KCNK3: variants seen among roughly 807,000 people sequenced by gnomAD.
KCNK3 encodes potassium two pore domain channel subfamily K member 3, also known as potassium channel subfamily K member 3.
A neutral mutation model predicts 27.3 loss-of-function variants in KCNK3; 9 were observed. The observed-to-expected ratio is 0.33, with a 90% CI of 0.20 to 0.57. KCNK3 has a LOEUF of 0.57. Among genes scored for constraint, KCNK3 ranks in the 20% least tolerant of loss-of-function variants. KCNK3 has a pLI of 0.87. For missense variants in KCNK3, 391 were observed against 577.7 expected, an observed-to-expected ratio of 0.68 and a Z score of 3.31; for synonymous variants, 278 against 273.8, an observed-to-expected ratio of 1.02 and a Z score of -0.15.
chr2:26,728,932 T>C lies in KCNK3; in HGVS notation c.*364T>C, dbSNP rs565897962. ...CCTTCGGAGGGGACTTCATGTTCCG[T>C]GTACGTTTGCATCTCTATTTATACC... On this transcript the variant is annotated 3_prime_UTR_variant, in exon 2 of 2. Coordinates refer to ENST00000302909, the MANE Select transcript of KCNK3 (RefSeq NM_002246.3). 1.4e-5 allele frequency: 3 copies of C among 217,946 alleles called. No individual in the cohort carries two copies. The South Asian group carries it at 5.5e-4, about 40-fold the overall frequency. 13.5% of individuals were successfully genotyped at this position (217,946 alleles called of 1,614,324 possible).
chr2:26,719,977 G>T (rs577847486), intron 1 of KCNK3, among the ~76,000 whole-genome samples: 1 of 152,172 alleles, frequency 6.6e-6, no homozygotes, highest in African/African-American at 2.4e-5. Context: ...TAAAATGAGT[G>T]GGGGGAAGGG....
intron 1 of KCNK3, among the ~76,000 whole-genome samples, chr2:26,706,447 A>G (rs1272408204): frequency 1.3e-5 from 2 of 152,106 alleles, no homozygotes; most frequent in Non-Finnish European, 2.9e-5. Context: ...TCCACTGGGA[A>G]CAAATCTGGG....
Position 26,731,628 on chromosome 2 carries a change from T to C in KCNK3, c.*3060T>C, listed in dbSNP as rs908916446. ...AATAACATACCTAGCTGACTCGCCA[T>C]GGGCTCGCTGGCCTGTGGGCGACAC... On this transcript the variant is annotated 3_prime_UTR_variant, in exon 2 of 2. Transcript: ENST00000302909. 1 of 152,202 alleles carries C rather than the reference T, an allele frequency of 6.6e-6. No homozygotes were observed. The highest frequency in any genetic ancestry group is 1.5e-5 in the Non-Finnish European group (1 of 68,024). 9.4% of individuals were successfully genotyped at this position (152,202 alleles called of 1,614,324 possible). A position where few individuals can be genotyped will look rare whatever the true frequency, so the allele number is the denominator to read the frequency against.
chr2:26,722,740 A>G (rs968423288), intron 1 of KCNK3, among the ~76,000 whole-genome samples: 16 of 152,392 alleles, frequency 1.0e-4, no homozygotes, highest in African/African-American at 3.8e-4. Context: ...TTATGGTTCT[A>G]ACAATGATTT....
chr2:26,720,433 G>A (rs374550642), intron 1 of KCNK3, among the ~76,000 whole-genome samples: 2 of 152,196 alleles, frequency 1.3e-5, no homozygotes, highest in African/African-American at 4.8e-5. Context: ...CAGGGAGGCA[G>A]GCCTGGCTCT....
At chr2:26,696,798 C>T (rs1222594007) in intron 1 of KCNK3, among the ~76,000 whole-genome samples, 3 of 152,172 alleles carry the variant, frequency 2.0e-5, no homozygotes, top group Non-Finnish European at 2.9e-5. Flanking sequence ...CCACCCCCTG[C>T]TCTGACAGAT....
At chr2:26,722,579 AC>A (rs1163819446) in intron 1 of KCNK3, among the ~76,000 whole-genome samples, 2 of 152,226 alleles carry the variant, frequency 1.3e-5, no homozygotes, top group African/African-American at 4.8e-5. Flanking sequence ...TCTCTACTCC[AC>A]TAAACTGCAG....
chr2:26,704,739 C>T (rs112481765), intron 1 of KCNK3, among the ~76,000 whole-genome samples: 55 of 152,336 alleles, frequency 3.6e-4, no homozygotes, highest in African/African-American at 1.2e-3. Flanking sequence ...ACAGACAGTT[C>T]CAGGCAGGGC....
chr2:26,725,303 G>C (rs552328683), intron 1 of KCNK3, among the ~76,000 whole-genome samples: 1 of 152,348 alleles, frequency 6.6e-6, no homozygotes, highest in South Asian at 2.1e-4. Flanking sequence ...TCTCTCCTGT[G>C]CTCCTGCAGA....
chr2:26,716,695 C>T (rs1663236323), intron 1 of KCNK3, among the ~76,000 whole-genome samples: 2 of 152,180 alleles, frequency 1.3e-5, no homozygotes, highest in South Asian at 4.1e-4. Context: ...CCCCTCTCCT[C>T]AGGGCCTCTG....
chr2:26,699,035 G>A (rs781510403), intron 1 of KCNK3, among the ~76,000 whole-genome samples: 12 of 151,942 alleles, frequency 7.9e-5, no homozygotes, highest in African/African-American at 1.2e-4. Context: ...AAACTTAGCC[G>A]GGCATGGTAG....
chr2:26,715,362 T>C lies in KCNK3; in HGVS notation c.284-12305T>C, dbSNP rs184932933. Reference sequence around the variant, plus strand: ...ATTATTACTACGGCTGCTTTTGTTGTTACTACCACCATTAGCTGCTGTGTG... The same window carrying C: ...ATTATTACTACGGCTGCTTTTGTTGCTACTACCACCATTAGCTGCTGTGTG... On this transcript the variant is annotated intron_variant, in intron 1 of 1. Transcript: ENST00000302909. Among the ~76,000 whole-genome samples the C allele has an allele frequency of 8.5e-5, 13 of 152,362 alleles. No homozygotes were observed. The East Asian group carries it at 2.1e-3, about 25-fold the overall frequency.
chr2:26,707,178 C>T (rs540441722), intron 1 of KCNK3, among the ~76,000 whole-genome samples: 1 of 152,306 alleles, frequency 6.6e-6, no homozygotes, highest in African/African-American at 2.4e-5. Context: ...CTTATCAGCA[C>T]AGCGAGTCCA....
chr2:26,728,468 T>C lies in KCNK3; in HGVS notation c.1085T>C (p.Leu362Pro). ...AGCGACACGCCCTCGCGACGCTGCC[T>C]GTGCAGCGGGGCGCCACGCTCCGCC... Reference protein sequence around the residue: ...RYSDTPSRRCLCSGAPRSAIS... With the variant: ...RYSDTPSRRCPCSGAPRSAIS... Residue 362 changes from leucine to proline, a missense_variant, in exon 2 of 2, where the codon CTG (leucine) becomes CCG (proline). By Grantham distance (98) the Leu-to-Pro change is moderately conservative. Coordinates refer to ENST00000302909, the MANE Select transcript of KCNK3 (RefSeq NM_002246.3). The C allele has an allele frequency of 6.4e-7, 1 of 1,562,808 alleles. No homozygotes were observed. Among genetic ancestry groups the C allele is most frequent in the Non-Finnish European group, 8.7e-7 (1 of 1,151,378 alleles).
intron 1 of KCNK3, 105 bp from the exon 2 acceptor site, chr2:26,727,562 C>G: frequency 6.8e-7 from 1 of 1,465,464 alleles, no homozygotes; most frequent in Non-Finnish European, 9.1e-7. Context: ...GGACCCAGAC[C>G]CACAAGGTGG....
rs1050831612 is a variant in KCNK3, at chr2:26,714,951, T to C, written c.284-12716T>C. On this transcript the variant is annotated intron_variant, in intron 1 of 1. Transcript: ENST00000302909. Reference sequence around the variant, plus strand: ...CATCAAGGTCCCCTTAGATGGGCCATGGATCCTGATCCCTGGGCCCCAGCC... The same window carrying C: ...CATCAAGGTCCCCTTAGATGGGCCACGGATCCTGATCCCTGGGCCCCAGCC... Among the ~76,000 whole-genome samples, 5 of 152,200 alleles carry C rather than the reference T, an allele frequency of 3.3e-5. No homozygotes were observed. In the East Asian group the frequency reaches 7.7e-4, roughly 23 times the overall value.
At chr2:26,709,256 G>T (rs187257683) in intron 1 of KCNK3, among the ~76,000 whole-genome samples, 1 of 152,226 alleles carries the variant, frequency 6.6e-6, no homozygotes, top group African/African-American at 2.4e-5. Context: ...TCAAAGCTGA[G>T]ATATCAACTC....
At chr2:26,708,679 T>C (rs1438474067) in intron 1 of KCNK3, among the ~76,000 whole-genome samples, 1 of 152,020 alleles carries the variant, frequency 6.6e-6, no homozygotes, top group Non-Finnish European at 1.5e-5. Context: ...AAACTCCATC[T>C]CAAAAATAAA....
In KCNK3 at chr2:26,731,095, C is replaced by T. The variant is rs887510250; in HGVS notation, c.*2527C>T. ...CCACACCCCCACCCCGGGCAGCCCC[C>T]GGACTCCAAAGGTCGTGGCTGCCAC... On this transcript the variant is annotated 3_prime_UTR_variant, in exon 2 of 2. Coordinates refer to ENST00000302909, the MANE Select transcript of KCNK3 (RefSeq NM_002246.3). The T allele has an allele frequency of 2.6e-5, 4 of 152,438 alleles. No homozygotes were observed. Among genetic ancestry groups the T allele is most frequent in the East Asian group, 3.9e-4 (2 of 5,184 alleles). 9.4% of individuals were successfully genotyped at this position (152,438 alleles called of 1,614,324 possible). A position where few individuals can be genotyped will look rare whatever the true frequency, so the allele number is the denominator to read the frequency against.
Sources: allele counts gnomAD v4.1 joint callset (sites outside exome capture counted in the v4.1 genomes callset), GRCh38; gene constraint gnomAD v4.1.1; transcripts MANE v1.5; gene names NCBI Gene and HGNC (gene_info 2026-07-23, HGNC 2026-07-21).